The following ASAP3 variants were observed in gnomAD, a reference collection of about 807,000 sequenced individuals.
ASAP3 encodes the protein ArfGAP with SH3 domain, ankyrin repeat and PH domain 3, also known as arf-GAP with SH3 domain, ANK repeat and PH domain-containing protein 3.
In ASAP3, 85 loss-of-function variants were observed where a neutral mutation model predicts 118.2. That is an observed-to-expected ratio of 0.72 (90% CI 0.60 to 0.86). The LOEUF is 0.86. Among genes scored for constraint, ASAP3 ranks in the 40% least tolerant of loss-of-function variants. The pLI is 0.00. For missense variants in ASAP3, 1,026 were observed against 1,175.0 expected (o/e 0.87, Z 1.85); for synonymous variants, 432 against 477.4 (o/e 0.90, Z 1.24).
At chr1:23,430,702 C>T (rs1640395659) in intron 24 of ASAP3, among the ~76,000 whole-genome samples, 1 of 152,238 alleles carries the variant, frequency 6.6e-6, no homozygotes, top group East Asian at 1.9e-4. Flanking sequence ...TGATCACTGC[C>T]ATCCCTCAAG....
intron 1 of ASAP3, among the ~76,000 whole-genome samples, chr1:23,472,007 A>G (rs1321054913): frequency 6.6e-6 from 1 of 152,236 alleles, no homozygotes; most frequent in Admixed American, 6.5e-5. Flanking sequence ...GGCCACATAT[A>G]GTAGGATTTC....
chr1:23,455,818 G>A, intron 3 of ASAP3, 63 bp downstream of exon 3: 2 of 1,591,972 alleles, frequency 1.3e-6, no homozygotes, highest in South Asian at 2.3e-5. Context: ...CCCTTTCCCA[G>A]TCAGGTTCTT....
chr1:23,474,134 A>C (rs918111668), intron 1 of ASAP3, among the ~76,000 whole-genome samples: 1 of 151,420 alleles, frequency 6.6e-6, no homozygotes, highest in Non-Finnish European at 1.5e-5. Flanking sequence ...TGGCTGGCTA[A>C]TTTTTGTATT....
In ASAP3 at chr1:23,437,343, GATGGGGA is replaced by G. The variant is rs778973093; in HGVS notation, c.1152-30_1152-24del. 8.1e-6 allele frequency: 13 copies of G among 1,609,106 alleles called. No individual in the cohort carries two copies. The highest frequency in any genetic ancestry group is 1.1e-5 in the Non-Finnish European group (13 of 1,176,898). On this transcript the variant is annotated intron_variant, in intron 13 of 24. Transcript: ENST00000336689. This position sits in a 1 kb window ranked among gnomAD's most constrained non-coding sequence, Gnocchi z 6.1. ...CACCTGCGGAGATTGAACGGGGTGG[GATGGGGA>G]TGTCAAGTGGGAAGAGATAGGGCCG...
At chr1:23,457,157 T>A (rs576252059) in intron 1 of ASAP3, among the ~76,000 whole-genome samples, 1 of 152,194 alleles carries the variant, frequency 6.6e-6, no homozygotes, top group East Asian at 1.9e-4. Flanking sequence ...GGGAGGCCCT[T>A]ACCGAGAGAC....
intron 5 of ASAP3, among the ~76,000 whole-genome samples, chr1:23,451,230 G>A (rs538615037): frequency 3.3e-5 from 5 of 152,278 alleles, no homozygotes; most frequent in Admixed American, 2.6e-4. Context: ...GCCCATGTCT[G>A]GCACCACTGA....
chr1:23,474,965 T>G (rs1339031294), intron 1 of ASAP3, among the ~76,000 whole-genome samples: 2 of 152,156 alleles, frequency 1.3e-5, no homozygotes, highest in Non-Finnish European at 2.9e-5. Context: ...AGGGTGCTGG[T>G]TTAAATGCAG....
At chr1:23,432,885 T>C (rs1297733457) in intron 22 of ASAP3, among the ~76,000 whole-genome samples, 192 bp downstream of exon 22, 2 of 152,172 alleles carry the variant, frequency 1.3e-5, no homozygotes, top group African/African-American at 4.8e-5. Flanking sequence ...CAGAGACTTA[T>C]TAGCTGTGGG....
At chr1:23,440,065 C>T (rs1322129080) in intron 10 of ASAP3, among the ~76,000 whole-genome samples, 2 of 150,022 alleles carry the variant, frequency 1.3e-5, no homozygotes, top group African/African-American at 2.4e-5. Flanking sequence ...ATCTGCCTGC[C>T]TTGGCCTCCC....
upstream of ASAP3, chr1:23,484,343 G>T: frequency 2.3e-6 from 1 of 427,124 alleles, no homozygotes; most frequent in Non-Finnish European, 3.6e-6. Flanking sequence ...CACCGCCAAG[G>T]TCCAGGCTCC....
At chr1:23,473,971 GC>G (rs763457779) in intron 1 of ASAP3, among the ~76,000 whole-genome samples, 7 of 89,618 alleles carry the variant, frequency 7.8e-5, no homozygotes, top group Admixed American at 6.0e-4. Context: ...CATTAAATCT[GC>G]TCTTTTTTTT....
intron 1 of ASAP3, among the ~76,000 whole-genome samples, chr1:23,456,444 C>T (rs144082951): frequency 2.2e-4 from 34 of 152,256 alleles, no homozygotes; most frequent in Non-Finnish European, 2.9e-4. Context: ...TCCAATGCAG[C>T]GTAAATGTAG....
At chr1:23,434,188 C>G in intron 19 of ASAP3, 66 bp downstream of exon 19, 2 of 1,500,774 alleles carry the variant, frequency 1.3e-6, no homozygotes, top group Admixed American at 3.4e-5. Context: ...AGCCCGAGAC[C>G]ATCGGAAGTC....
intron 1 of ASAP3, among the ~76,000 whole-genome samples, chr1:23,460,165 C>T (rs1207628658): frequency 6.6e-6 from 1 of 152,140 alleles, no homozygotes; most frequent in Non-Finnish European, 1.5e-5. Context: ...GGAGGGACTA[C>T]ACACCTGTTA....
Position 23,452,630 on chromosome 1 carries a change from C to T in ASAP3, c.423+67G>A, listed in dbSNP as rs1293484922. 6 of 1,534,724 alleles carry T rather than the reference C, an allele frequency of 3.9e-6. No homozygotes were observed. In the Admixed American group the frequency reaches 8.4e-5, roughly 21 times the overall value. On this transcript the variant is annotated intron_variant, in intron 4 of 24. Coordinates refer to ENST00000336689, the MANE Select transcript of ASAP3 (RefSeq NM_017707.4). ...CCTCCACCCTCAGTCCAGCCCTGCC[C>T]CCCAACAGTCTCCTGCCCACCCCTC...
At position 23,434,152 on chromosome 1, in the gene ASAP3, G is replaced by A; in HGVS notation, c.1951+102C>T. ...AATGACAAACCCCTAAGATCACAGA[G>A]GTGGTCAGAAGCAAGCCAGGATTAG... On this transcript the variant is annotated intron_variant, in intron 19 of 24. Coordinates refer to ENST00000336689, the MANE Select transcript of ASAP3 (RefSeq NM_017707.4). 7.2e-6 allele frequency: 8 copies of A among 1,107,824 alleles called. No homozygotes were observed. In the South Asian group the frequency reaches 9.6e-5, roughly 13 times the overall value. The allele number at this position is 1,107,824 out of a possible 1,614,324, so 68.6% of individuals were successfully genotyped here.
chr1:23,441,976 C>T (rs1223208196), intron 7 of ASAP3, among the ~76,000 whole-genome samples: 2 of 152,106 alleles, frequency 1.3e-5, no homozygotes, highest in Admixed American at 1.3e-4. Context: ...TAATAGAGTA[C>T]CTGCTCCCAG....
intron 1 of ASAP3, among the ~76,000 whole-genome samples, chr1:23,465,852 T>C (rs1641751155): frequency 6.6e-6 from 1 of 152,116 alleles, no homozygotes; most frequent in Non-Finnish European, 1.5e-5. Context: ...CCAATGTTCT[T>C]TCCCCATCTC....
chr1:23,459,170 CAAAAAAAA>C (rs59149141), intron 1 of ASAP3, among the ~76,000 whole-genome samples: 3 of 68,294 alleles, frequency 4.4e-5, no homozygotes, highest in Non-Finnish European at 4.8e-5. Flanking sequence ...GACTCCATCT[CAAAAAAAA>C]AAAAAAAAAA....
Sources: allele counts gnomAD v4.1 joint callset (sites outside exome capture counted in the v4.1 genomes callset), GRCh38; gene constraint gnomAD v4.1.1; non-coding constraint Gnocchi (gnomAD v3.1); transcripts MANE v1.5; gene names NCBI Gene and HGNC (gene_info 2026-07-23, HGNC 2026-07-21).